Variants in OXR1 observed in about 807,000 individuals in gnomAD.
The protein encoded by OXR1 is oxidation resistance protein 1.
In OXR1, 41 loss-of-function variants were observed where a neutral mutation model predicts 104.6. The ratio of observed to expected loss-of-function variants is 0.39; its 90% confidence interval spans 0.31 to 0.51. OXR1 has a LOEUF of 0.51. OXR1 is among the 20% of genes least tolerant of loss of function. The pLI is 0.77. For missense variants in OXR1, 955 were observed against 1,031.9 expected (o/e 0.93, Z 1.02); for synonymous variants, 348 against 348.4 (o/e 1.00, Z 0.01).
chr8:106,345,025 A>G (rs1304941760), intron 1 of OXR1, among the ~76,000 whole-genome samples: 1 of 152,202 alleles, frequency 6.6e-6, no homozygotes, highest in Non-Finnish European at 1.5e-5. Flanking sequence ...TTGCACTTAA[A>G]AGAACATTTG....
intron 7 of OXR1, among the ~76,000 whole-genome samples, chr8:106,700,914 A>G (rs1462774690): frequency 6.6e-6 from 1 of 152,076 alleles, no homozygotes; most frequent in Non-Finnish European, 1.5e-5. Context: ...TCCTTTCTCA[A>G]ATAAGTTTAC....
At chr8:106,419,299 G>A (rs546261615) in intron 2 of OXR1, among the ~76,000 whole-genome samples, 17 of 152,256 alleles carry the variant, frequency 1.1e-4, no homozygotes, top group African/African-American at 3.6e-4. Context: ...TGAGGCAGGT[G>A]CGTTGCAGGC....
intron 2 of OXR1, among the ~76,000 whole-genome samples, chr8:106,478,760 T>G (rs1821940947): frequency 6.6e-6 from 1 of 151,860 alleles, no homozygotes; most frequent in African/African-American, 2.4e-5. Flanking sequence ...TTTTTCCTAC[T>G]GCTTGCTTTT....
chr8:106,698,806 CT>C (rs528365076), intron 7 of OXR1, among the ~76,000 whole-genome samples: 166 of 150,748 alleles, frequency 1.1e-3, no homozygotes, highest in African/African-American at 3.5e-3. Flanking sequence ...GTTTTAACGT[CT>C]TTTTTTTTGT....
At chr8:106,316,781 G>A (rs1045515186) in intron 1 of OXR1, among the ~76,000 whole-genome samples, 7 of 143,946 alleles carry the variant, frequency 4.9e-5, no homozygotes, top group South Asian at 2.2e-4. Context: ...TCTATTGCTC[G>A]AAAGAGAGAG....
intron 11 of OXR1, among the ~76,000 whole-genome samples, chr8:106,735,071 A>G (rs1834245672): frequency 6.6e-6 from 1 of 152,158 alleles, no homozygotes; most frequent in South Asian, 2.1e-4. Flanking sequence ...TGGTTTACCA[A>G]GGGTTTAAAA....
rs755524876 is a variant in OXR1, at chr8:106,714,000, A to T, written c.1956+15A>T. 2 of 1,546,102 alleles carry T rather than the reference A, an allele frequency of 1.3e-6. No individual in the cohort carries two copies. Among genetic ancestry groups the T allele is most frequent in the South Asian group, 1.2e-5 (1 of 81,608 alleles). On this transcript the variant is annotated intron_variant, in intron 11 of 16. Coordinates refer to ENST00000517566, the MANE Select transcript of OXR1 (RefSeq NM_001198533.2). Reference sequence around the variant, plus strand: ...GAGAATGGGAGGTAAGGAGAAAAATATGAAGATTTTAGTCATCTTTTTAGT... The same window carrying T: ...GAGAATGGGAGGTAAGGAGAAAAATTTGAAGATTTTAGTCATCTTTTTAGT...
intron 2 of OXR1, among the ~76,000 whole-genome samples, chr8:106,428,948 A>G (rs944908084): frequency 1.3e-5 from 2 of 152,108 alleles, no homozygotes; most frequent in Non-Finnish European, 2.9e-5. Flanking sequence ...CCCCACACCA[A>G]TGCTTATCCT....
intron 11 of OXR1, among the ~76,000 whole-genome samples, chr8:106,731,633 T>C (rs1833903558): frequency 6.6e-6 from 1 of 152,162 alleles, no homozygotes; most frequent in South Asian, 2.1e-4. Flanking sequence ...CCAATACTAT[T>C]GGGGTAAAGA....
chr8:106,677,949 T>C (rs1827770626), intron 3 of OXR1, among the ~76,000 whole-genome samples: 2 of 152,096 alleles, frequency 1.3e-5, no homozygotes, highest in African/African-American at 4.8e-5. Flanking sequence ...GTCAGGCCCC[T>C]AGTTAGGCAC....
chr8:106,739,384 A>G lies in OXR1; in HGVS notation c.2038-74A>G, dbSNP rs549150676. 19 of 1,332,050 alleles carry G rather than the reference A, an allele frequency of 1.4e-5. No individual in the cohort carries two copies. The South Asian group carries it at 2.3e-4, about 16-fold the overall frequency. 82.5% of individuals were successfully genotyped at this position (1,332,050 alleles called of 1,614,324 possible). On this transcript the variant is annotated intron_variant, in intron 12 of 16. Transcript: ENST00000517566. ...TTTTCTACGATATAAAGCTTTATTT[A>G]TCTGAAAAGTCTGACAATTTTGAAA...
intron 1 of OXR1, among the ~76,000 whole-genome samples, chr8:106,319,995 G>C (rs1814147656): frequency 6.6e-6 from 1 of 152,208 alleles, no homozygotes; most frequent in South Asian, 2.1e-4. Context: ...GAGAAACTGA[G>C]TGAAGTGCAC....
At chr8:106,617,250 C>G (rs3134137) in intron 3 of OXR1, among the ~76,000 whole-genome samples, 52,968 of 152,016 alleles carry the variant, frequency 0.35, 9,672 homozygotes, top group African/African-American at 0.45. Flanking sequence ...TAATGAAACC[C>G]CATCTCTACT....
At chr8:106,382,682 GTT>G (rs35296978) in intron 2 of OXR1, among the ~76,000 whole-genome samples, 5,079 of 86,050 alleles carry the variant, frequency 0.059, 215 homozygotes, top group African/African-American at 0.12. Flanking sequence ...AGAACTATAG[GTT>G]TTTTTTTTTT....
At chr8:106,691,988 C>CATATATATATAT (rs1563712125) in intron 6 of OXR1, among the ~76,000 whole-genome samples, 1 of 145,992 alleles carries the variant, frequency 6.8e-6, no homozygotes, top group Non-Finnish European at 1.5e-5. Flanking sequence ...TATATATATA[C>CATATATATATAT]ACACACACAC....
intron 3 of OXR1, chr8:106,522,714 T>C (rs1813350829): frequency 6.6e-6 from 1 of 152,236 alleles, no homozygotes; most frequent in South Asian, 2.1e-4. Flanking sequence ...TTTACCTTAA[T>C]ACTTACATGT....
intron 2 of OXR1, among the ~76,000 whole-genome samples, chr8:106,426,097 G>T (rs1045737362): frequency 1.3e-5 from 2 of 152,118 alleles, no homozygotes; most frequent in Non-Finnish European, 2.9e-5. Context: ...CCAGATGCCT[G>T]GGACTCCTGC....
intron 2 of OXR1, among the ~76,000 whole-genome samples, chr8:106,438,931 C>G (rs1213235282): frequency 6.6e-6 from 1 of 152,036 alleles, no homozygotes; most frequent in African/African-American, 2.4e-5. Context: ...AGAGATGCAT[C>G]CCCATTGCTG....
Position 106,302,310 on chromosome 8 carries a change from C to T in OXR1, c.-139+31943C>T, listed in dbSNP as rs558321741. 2.4e-4 allele frequency among the ~76,000 whole-genome samples: 37 copies of T among 152,234 alleles called. No individual in the cohort carries two copies. The East Asian group carries it at 5.8e-3, about 24-fold the overall frequency. ...AAAAAAATCAATAATCAGCCGAGCGCGGTGGCTCACGCCTGTAATCCCAGC... is the reference window on the plus strand; with the variant it reads ...AAAAAAATCAATAATCAGCCGAGCGTGGTGGCTCACGCCTGTAATCCCAGC... On this transcript the variant is annotated intron_variant, in intron 1 of 16. Transcript: ENST00000517566.
Sources: allele counts gnomAD v4.1 joint callset (sites outside exome capture counted in the v4.1 genomes callset), GRCh38; gene constraint gnomAD v4.1.1; transcripts MANE v1.5; gene names NCBI Gene and HGNC (gene_info 2026-07-23, HGNC 2026-07-21).